The following LRRFIP1 variants were observed in gnomAD, a reference collection of about 807,000 sequenced individuals.
The protein encoded by LRRFIP1 is leucine-rich repeat flightless-interacting protein 1.
LRRFIP1 carries 62 observed loss-of-function variants against 104.4 expected under a neutral mutation model. The observed-to-expected ratio is 0.59, with a 90% CI of 0.48 to 0.73. LRRFIP1 has a LOEUF of 0.73. Among genes scored for constraint, LRRFIP1 ranks in the 30% least tolerant of loss-of-function variants. The pLI, the probability that LRRFIP1 is intolerant of heterozygous loss-of-function variation, is 0.00. For synonymous variants in LRRFIP1, 300 were observed against 299.0 expected, an observed-to-expected ratio of 1.00 and a Z score of -0.03; for missense variants, 796 against 824.5, an observed-to-expected ratio of 0.97 and a Z score of 0.42.
chr2:237,685,117 C>T (rs1482157845), intron 1 of LRRFIP1, among the ~76,000 whole-genome samples: 2 of 32,260 alleles, frequency 6.2e-5, no homozygotes, highest in African/African-American at 9.6e-5. Context: ...CTCCCCCCCC[C>T]ACACAAAAAA....
At chr2:237,748,607 C>A (rs1182522414) in intron 12 of LRRFIP1, among the ~76,000 whole-genome samples, 2 of 151,956 alleles carry the variant, frequency 1.3e-5, no homozygotes, top group Non-Finnish European at 2.9e-5. Context: ...AGCAGGGAGG[C>A]GTTTATAATG....
intron 1 of LRRFIP1, among the ~76,000 whole-genome samples, chr2:237,644,333 G>A (rs1448455117): frequency 6.6e-6 from 1 of 152,252 alleles, no homozygotes; most frequent in Non-Finnish European, 1.5e-5. Context: ...CATGCTCCGT[G>A]TGGCTTTCCT....
At chr2:237,739,355 TC>T in intron 11 of LRRFIP1, 46 bp downstream of exon 11, 1 of 1,465,080 alleles carries the variant, frequency 6.8e-7, no homozygotes, top group Non-Finnish European at 9.3e-7. Flanking sequence ...TCACCCTCCC[TC>T]CCCCTTCCCT....
intron 23 of LRRFIP1, among the ~76,000 whole-genome samples, chr2:237,778,479 C>G (rs1307294841): frequency 6.6e-6 from 1 of 152,226 alleles, no homozygotes; most frequent in Non-Finnish European, 1.5e-5. Flanking sequence ...GCCCTGGCTC[C>G]CAGGTGTGGC....
intron 15 of LRRFIP1, among the ~76,000 whole-genome samples, chr2:237,754,946 A>T (rs569010276): frequency 6.6e-6 from 1 of 152,320 alleles, no homozygotes; most frequent in African/African-American, 2.4e-5. Flanking sequence ...GGGCCATGCA[A>T]AGCCCCACAG....
intron 1 of LRRFIP1, among the ~76,000 whole-genome samples, chr2:237,704,381 C>T (rs564357490): frequency 3.3e-5 from 5 of 152,044 alleles, no homozygotes; most frequent in Admixed American, 2.6e-4. Flanking sequence ...CTCAATCTCC[C>T]GACCTCAGGT....
At position 237,735,364 on chromosome 2, in the gene LRRFIP1, C is replaced by G; in HGVS notation, c.555+31C>G. Reference sequence around the variant, plus strand: ...GCGCTTTCGGTGATACCTCCTTTCCCCCGTGCCTGCTGCATGGCCTGGGGA... The same window carrying G: ...GCGCTTTCGGTGATACCTCCTTTCCGCCGTGCCTGCTGCATGGCCTGGGGA... On this transcript the variant is annotated intron_variant, in intron 10 of 23. Coordinates refer to ENST00000308482, the MANE Select transcript of LRRFIP1 (RefSeq NM_001137550.2). This position sits in a 1 kb window ranked among gnomAD's most constrained non-coding sequence, Gnocchi z 4.6. The G allele has an allele frequency of 6.2e-7, 1 of 1,603,856 alleles. No individual in the cohort carries two copies. The highest frequency in any genetic ancestry group is 8.5e-7 in the Non-Finnish European group (1 of 1,175,640).
chr2:237,673,057 G>A (rs1281378524), intron 1 of LRRFIP1, among the ~76,000 whole-genome samples: 1 of 152,220 alleles, frequency 6.6e-6, no homozygotes, highest in Non-Finnish European at 1.5e-5. Flanking sequence ...GTGAGACAGT[G>A]AAGGAGGGAC....
At chr2:237,662,877 G>T (rs13394171) in intron 1 of LRRFIP1, among the ~76,000 whole-genome samples, 3,385 of 152,206 alleles carry the variant, frequency 0.022, 143 homozygotes, top group African/African-American at 0.077. Flanking sequence ...CCGTTGCCAT[G>T]ACGGCACCCA....
At position 237,735,399 on chromosome 2, in the gene LRRFIP1, G is replaced by GACCCT; in HGVS notation, c.555+66_555+67insACCCT. 6.6e-7 allele frequency: 1 copy of GACCCT among 1,513,306 alleles called. No homozygotes were observed. The highest frequency in any genetic ancestry group is 9.0e-7 in the Non-Finnish European group (1 of 1,113,478). 93.7% of individuals were successfully genotyped at this position (1,513,306 alleles called of 1,614,324 possible). On this transcript the variant is annotated intron_variant, in intron 10 of 23. Transcript: ENST00000308482. This position sits in a 1 kb window ranked among gnomAD's most constrained non-coding sequence, Gnocchi z 4.6. Reference sequence around the variant, plus strand: ...CTGCATGGCCTGGGGATGCTCGCTGGGCAGGGTCCAGCCGTGGGGGGTGAC... The same window carrying GACCCT: ...CTGCATGGCCTGGGGATGCTCGCTGGACCCTGCAGGGTCCAGCCGTGGGGGGTGAC...
At chr2:237,764,586 A>G in intron 19 of LRRFIP1, 2 of 997,988 alleles carry the variant, frequency 2.0e-6, no homozygotes, top group Non-Finnish European at 2.4e-6. Flanking sequence ...ACATATGTGT[A>G]CTTTCATATT....
intron 23 of LRRFIP1, 36 bp from the exon 24 acceptor site, chr2:237,779,386 G>C: frequency 5.0e-6 from 8 of 1,605,194 alleles, no homozygotes; most frequent in Non-Finnish European, 6.8e-6. Context: ...GAGGAAACAA[G>C]TTCCTTAAAG....
intron 1 of LRRFIP1, among the ~76,000 whole-genome samples, chr2:237,696,998 A>G (rs1329048327): frequency 6.6e-6 from 1 of 152,192 alleles, no homozygotes; most frequent in Non-Finnish European, 1.5e-5. Flanking sequence ...CAGACAGAAG[A>G]GAACATTCAA....
chr2:237,717,840 C>G lies in LRRFIP1; in HGVS notation c.249+31C>G. On this transcript the variant is annotated intron_variant, in intron 4 of 23. Transcript: ENST00000308482. This position sits in a 1 kb window ranked among gnomAD's most constrained non-coding sequence, Gnocchi z 4.2. ...CCTTGAATATAATTTTGTTTTTACT[C>G]TTCCCTCCCCACTTGAATACAGTGT... 1 of 1,533,756 alleles carries G rather than the reference C, an allele frequency of 6.5e-7. No homozygotes were observed. The highest frequency in any genetic ancestry group is 9.0e-7 in the Non-Finnish European group (1 of 1,106,996).
chr2:237,765,736 G>A (rs1473446688), intron 19 of LRRFIP1: 1 of 943,568 alleles, frequency 1.1e-6, no homozygotes, highest in Middle Eastern at 5.5e-4. Flanking sequence ...ATTTAAAATT[G>A]TAAAATATAA....
chr2:237,655,746 A>C (rs953468268), intron 1 of LRRFIP1, among the ~76,000 whole-genome samples: 1 of 152,268 alleles, frequency 6.6e-6, no homozygotes, highest in Non-Finnish European at 1.5e-5. Flanking sequence ...GTAGAAAACA[A>C]CACGACAGGC....
In LRRFIP1 at chr2:237,772,780, G is replaced by T. The variant is rs1258614099; in HGVS notation, c.1628-86G>T. 5 of 911,182 alleles carry T rather than the reference G, an allele frequency of 5.5e-6. No individual in the cohort carries two copies. The East Asian group carries it at 9.6e-5, about 18-fold the overall frequency. 56.4% of individuals were successfully genotyped at this position (911,182 alleles called of 1,614,324 possible). ...AACAGATTTGTGAGATGATTACAAA[G>T]TAAGGGCTTGGTTCCCAGTAACTAT... On this transcript the variant is annotated intron_variant, in intron 21 of 23. Transcript: ENST00000308482.
intron 2 of LRRFIP1, 63 bp downstream of exon 2, chr2:237,708,693 A>G (rs1174271297): frequency 1.3e-6 from 2 of 1,512,240 alleles, no homozygotes; most frequent in Non-Finnish European, 1.8e-6. Flanking sequence ...CCCAGGGTGC[A>G]AGTGCAGGCA....
chr2:237,764,816 T>C lies in LRRFIP1; in HGVS notation c.1459+4611T>C. 4 of 985,886 alleles carry C rather than the reference T, an allele frequency of 4.1e-6. No individual in the cohort carries two copies. In the South Asian group the frequency reaches 1.9e-4, roughly 46 times the overall value. The allele number at this position is 985,886 out of a possible 1,614,324, so 61.1% of individuals were successfully genotyped here. A position where few individuals can be genotyped will look rare whatever the true frequency, so the allele number is the denominator to read the frequency against. ...ATACTTTTGGATCTCATTGTTGATA[T>C]ACCTGAATTTACTTTGTAAGAGATT... On this transcript the variant is annotated intron_variant, in intron 19 of 23. Coordinates refer to ENST00000308482, the MANE Select transcript of LRRFIP1 (RefSeq NM_001137550.2).
Sources: allele counts gnomAD v4.1 joint callset (sites outside exome capture counted in the v4.1 genomes callset), GRCh38; gene constraint gnomAD v4.1.1; non-coding constraint Gnocchi (gnomAD v3.1); transcripts MANE v1.5; gene names NCBI Gene and HGNC (gene_info 2026-07-23, HGNC 2026-07-21).